TNR: variants seen among roughly 807,000 people sequenced by gnomAD.
The protein encoded by TNR is tenascin-R.
TNR carries 45 observed loss-of-function variants against 150.4 expected under a neutral mutation model. That is an observed-to-expected ratio of 0.30 (90% CI 0.24 to 0.38). The LOEUF (loss-of-function observed/expected upper bound fraction) is 0.38. Among genes scored for constraint, TNR ranks in the 10% least tolerant of loss-of-function variants. The pLI, the probability that TNR is intolerant of heterozygous loss-of-function variation, is 1.00. For synonymous variants in TNR, 687 were observed against 678.4 expected, an observed-to-expected ratio of 1.01 and a Z score of -0.20; for missense variants, 1,544 against 1,759.1, an observed-to-expected ratio of 0.88 and a Z score of 2.19.
chr1:175,366,981 C>A (rs777305944), intron 10 of TNR, among the ~76,000 whole-genome samples: 3 of 152,162 alleles, frequency 2.0e-5, no homozygotes, highest in Non-Finnish European at 4.4e-5. Context: ...CTTCAGACCA[C>A]GGGGGACCGA....
chr1:175,628,858 G>A (rs1227910285), intron 1 of TNR, among the ~76,000 whole-genome samples: 1 of 152,220 alleles, frequency 6.6e-6, no homozygotes, highest in Admixed American at 6.5e-5. Context: ...CTCTGGGCCT[G>A]CAGTGGGGCT....
At chr1:175,355,353 G>A (rs73036274) in intron 17 of TNR, 150 bp downstream of exon 17, 1 of 1,080,106 alleles carries the variant, frequency 9.3e-7, no homozygotes, top group East Asian at 2.5e-5. Flanking sequence ...TCAACAGCAG[G>A]CTGGGTATCC....
At chr1:175,344,899 A>T (rs1422638452) in intron 18 of TNR, among the ~76,000 whole-genome samples, 1 of 152,054 alleles carries the variant, frequency 6.6e-6, no homozygotes, top group Non-Finnish European at 1.5e-5. Flanking sequence ...AGAACCAAAA[A>T]CAAACAAGAC....
intron 2 of TNR, among the ~76,000 whole-genome samples, chr1:175,484,857 TAG>T (rs1015715763): frequency 2.0e-5 from 3 of 152,176 alleles, no homozygotes; most frequent in African/African-American, 7.2e-5. Context: ...TGTCCTTCGA[TAG>T]AGCTTCAGAG....
chr1:175,568,617 G>A lies in TNR; in HGVS notation c.-164-40248C>T, dbSNP rs73048379. Reference sequence around the variant, plus strand: ...CTGAGGTTCTGGAGCCTGTTATCTCGTGTATCCAGTCCTCGGCCTCCCATC... The same window carrying A: ...CTGAGGTTCTGGAGCCTGTTATCTCATGTATCCAGTCCTCGGCCTCCCATC... On this transcript the variant is annotated intron_variant, in intron 1 of 22. Coordinates refer to ENST00000367674, the MANE Select transcript of TNR (RefSeq NM_003285.3). Among the ~76,000 whole-genome samples the A allele has an allele frequency of 8.8e-3, 1,341 of 152,208 alleles. 17 individuals are homozygous for A. The highest frequency in any genetic ancestry group is 0.031 in the African/African-American group (1,275 of 41,518).
chr1:175,694,601 T>C (rs1228875654), intron 1 of TNR, among the ~76,000 whole-genome samples: 1 of 152,238 alleles, frequency 6.6e-6, no homozygotes, highest in Non-Finnish European at 1.5e-5. Context: ...GGCTCAATTA[T>C]GTTCTCAAAA....
intron 18 of TNR, among the ~76,000 whole-genome samples, chr1:175,341,273 AG>A (rs1650511956): frequency 6.6e-6 from 1 of 152,230 alleles, no homozygotes; most frequent in Admixed American, 6.5e-5. Context: ...CTTAAGACCA[AG>A]AGCAAAACTG....
At chr1:175,595,656 T>C (rs1166609701) in intron 1 of TNR, among the ~76,000 whole-genome samples, 1 of 152,174 alleles carries the variant, frequency 6.6e-6, no homozygotes, top group East Asian at 1.9e-4. Flanking sequence ...GTAGACCCAC[T>C]AAATTACCAG....
chr1:175,477,149 C>T (rs1271845783), intron 2 of TNR, among the ~76,000 whole-genome samples: 2 of 152,036 alleles, frequency 1.3e-5, no homozygotes, highest in Non-Finnish European at 2.9e-5. Flanking sequence ...AAGGAAAGCA[C>T]CATACAGATT....
At chr1:175,408,216 G>A (rs1471092425) in intron 2 of TNR, among the ~76,000 whole-genome samples, 1 of 152,154 alleles carries the variant, frequency 6.6e-6, no homozygotes, top group East Asian at 1.9e-4. Context: ...TGTGACCGTC[G>A]CTTCAGGACG....
chr1:175,344,858 G>C (rs752106734), intron 18 of TNR, among the ~76,000 whole-genome samples: 14 of 152,198 alleles, frequency 9.2e-5, no homozygotes, highest in Non-Finnish European at 2.1e-4. Context: ...ATTCATTGCA[G>C]CCAGCATTAG....
At chr1:175,729,440 C>T (rs1419911700) in intron 1 of TNR, among the ~76,000 whole-genome samples, 1 of 148,218 alleles carries the variant, frequency 6.7e-6, no homozygotes, top group Non-Finnish European at 1.5e-5. Flanking sequence ...TCTCTCTGTC[C>T]CCCTTTCAAG....
At chr1:175,485,071 C>T (rs1269072664) in intron 2 of TNR, among the ~76,000 whole-genome samples, 3 of 152,152 alleles carry the variant, frequency 2.0e-5, no homozygotes, top group Non-Finnish European at 4.4e-5. Context: ...TCAGCTAAGA[C>T]AAATGTCTTC....
At chr1:175,644,862 T>G (rs1485476803) in intron 1 of TNR, among the ~76,000 whole-genome samples, 1 of 152,274 alleles carries the variant, frequency 6.6e-6, no homozygotes, top group Non-Finnish European at 1.5e-5. Flanking sequence ...CTGTGTCAGA[T>G]GCCCTGTTTA....
At chr1:175,330,465 T>C in intron 20 of TNR, 1 of 386,990 alleles carries the variant, frequency 2.6e-6, no homozygotes, top group Non-Finnish European at 4.6e-6. Flanking sequence ...CACAGGAAAC[T>C]CAGGGGTTCT....
chr1:175,323,281 C>T lies in TNR; in HGVS notation c.*76G>A. 3 of 1,575,570 alleles carry T rather than the reference C, an allele frequency of 1.9e-6. No individual in the cohort carries two copies. The highest frequency in any genetic ancestry group is 2.6e-6 in the Non-Finnish European group (3 of 1,155,122). On this transcript the variant is annotated 3_prime_UTR_variant, in exon 23 of 23. Transcript: ENST00000367674. ...TATGTTGCAAAACACATTGCTATTACCCTCCCCCCTTGTTTCATATTATAA... is the reference window on the plus strand; with the variant it reads ...TATGTTGCAAAACACATTGCTATTATCCTCCCCCCTTGTTTCATATTATAA...
intron 19 of TNR, 116 bp from the exon 20 acceptor site, chr1:175,335,923 A>G: frequency 1.2e-6 from 1 of 851,236 alleles, no homozygotes. Context: ...TTATATCTGC[A>G]ATGACAAAGA....
At chr1:175,441,154 G>A (rs1557936288) in intron 2 of TNR, among the ~76,000 whole-genome samples, 2 of 152,142 alleles carry the variant, frequency 1.3e-5, no homozygotes, top group Non-Finnish European at 2.9e-5. Context: ...ATGATGCCTG[G>A]CACATGGTTG....
At chr1:175,337,877 T>G (rs1406668611) in intron 18 of TNR, among the ~76,000 whole-genome samples, 198 bp from the exon 19 acceptor site, 1 of 152,182 alleles carries the variant, frequency 6.6e-6, no homozygotes, top group Non-Finnish European at 1.5e-5. Context: ...GTTAGACTTA[T>G]CAGACAACAT....
Sources: gnomAD v4.1 joint callset for allele counts (sites outside exome capture counted in the v4.1 genomes callset) on GRCh38, gnomAD v4.1.1 for gene constraint, MANE v1.5 for transcripts, NCBI Gene and HGNC (gene_info 2026-07-23, HGNC 2026-07-21) for gene names.